Variants in ENPP6 observed in about 807,000 individuals in gnomAD.
ENPP6 encodes the protein ectonucleotide pyrophosphatase/phosphodiesterase 6.
ENPP6 carries 32 observed loss-of-function variants against 42.0 expected under a neutral mutation model. The observed-to-expected ratio is 0.76, with a 90% CI of 0.58 to 1.02. The LOEUF is 1.02. Ranked by LOEUF, ENPP6 falls within the 50% of genes least tolerant of loss-of-function variation. The pLI is 0.00. For missense variants in ENPP6, 552 were observed against 566.8 expected, an observed-to-expected ratio of 0.97 and a Z score of 0.27; for synonymous variants, 213 against 216.0, an observed-to-expected ratio of 0.99 and a Z score of 0.12.
At chr4:184,154,184 T>A (rs909542330) in intron 1 of ENPP6, among the ~76,000 whole-genome samples, 1 of 152,110 alleles carries the variant, frequency 6.6e-6, no homozygotes, top group African/African-American at 2.4e-5. Context: ...ATAAGAGGAG[T>A]TGTTGCTTCA....
At chr4:184,104,969 T>C (rs897093443) in intron 6 of ENPP6, among the ~76,000 whole-genome samples, 4 of 152,228 alleles carry the variant, frequency 2.6e-5, no homozygotes, top group Non-Finnish European at 4.4e-5. Context: ...TCTTGAGTGT[T>C]TCCTGGAAGA....
At chr4:184,157,283 G>C (rs968948927) in intron 1 of ENPP6, among the ~76,000 whole-genome samples, 3 of 152,098 alleles carry the variant, frequency 2.0e-5, no homozygotes, top group Non-Finnish European at 2.9e-5. Context: ...ACTTGGAGTG[G>C]AGCCCAATCT....
At chr4:184,142,816 G>A (rs995392143) in intron 2 of ENPP6, among the ~76,000 whole-genome samples, 18 of 152,204 alleles carry the variant, frequency 1.2e-4, no homozygotes, top group South Asian at 2.1e-4. Flanking sequence ...GCCAAAGGCC[G>A]CGCTTTCATC....
At chr4:184,214,229 T>A (rs965699212) in intron 1 of ENPP6, among the ~76,000 whole-genome samples, 1 of 150,340 alleles carries the variant, frequency 6.7e-6, no homozygotes, top group Non-Finnish European at 1.5e-5. Context: ...ACCCTAAAAC[T>A]TAAAGTATAA....
chr4:184,160,318 T>G lies in ENPP6; in HGVS notation c.242-6585A>C, dbSNP rs1389766939. Among the ~76,000 whole-genome samples, 4 of 152,166 alleles carry G rather than the reference T, an allele frequency of 2.6e-5. No homozygotes were observed. The East Asian group carries it at 7.7e-4, about 29-fold the overall frequency. ...ACCACATCCAACAAACATATATCAT[T>G]TTTTTACTTTTTAATTATAACCATT... On this transcript the variant is annotated intron_variant, in intron 1 of 7. Coordinates refer to ENST00000296741, the MANE Select transcript of ENPP6 (RefSeq NM_153343.4).
At chr4:184,108,646 A>G (rs528120850) in intron 6 of ENPP6, among the ~76,000 whole-genome samples, 57 of 152,356 alleles carry the variant, frequency 3.7e-4, no homozygotes, top group African/African-American at 1.3e-3. Flanking sequence ...GCTTTTACAT[A>G]TGGTGTCTTA....
At chr4:184,162,267 C>G (rs1737273589) in intron 1 of ENPP6, among the ~76,000 whole-genome samples, 1 of 152,024 alleles carries the variant, frequency 6.6e-6, no homozygotes, top group African/African-American at 2.4e-5. Context: ...TATTTGCAGG[C>G]TCATAGGGTG....
chr4:184,093,355 C>A (rs548023568), intron 7 of ENPP6, among the ~76,000 whole-genome samples: 44 of 152,146 alleles, frequency 2.9e-4, no homozygotes, highest in African/African-American at 1.0e-3. Context: ...AATGTAAAAC[C>A]TGGCCAGGCA....
At chr4:184,200,659 G>A (rs997835626) in intron 1 of ENPP6, among the ~76,000 whole-genome samples, 3 of 152,204 alleles carry the variant, frequency 2.0e-5, no homozygotes, top group Non-Finnish European at 2.9e-5. Flanking sequence ...GGAGAAGCCG[G>A]CTCCTCTGCC....
In ENPP6 at chr4:184,097,320, C is replaced by A. The variant is rs752468319; in HGVS notation, c.1042G>T (p.Gly348Cys). 5.6e-5 allele frequency: 91 copies of A among 1,614,106 alleles called. No homozygotes were observed. The highest frequency in any genetic ancestry group is 7.1e-5 in the Non-Finnish European group (84 of 1,180,034). Residue 348 changes from glycine (G) to cysteine (C), a missense_variant, in exon 7 of 8, where the codon GGT (glycine) becomes TGT (cysteine). Physicochemically the swap from Gly to Cys is radical, Grantham distance 159. Around this residue, in one of 2 missense-constraint regions of ENPP6, gnomAD observed 545 missense variants for 546.3 expected, o/e 1.00. Transcript: ENST00000296741. ...FWMNSTGRRE[G>C]WQRGWHGYDN... ...TAGCCGTGCCATCCACGCTGCCAAC[C>A]TTCCCGCCTGCCGGTGCTGTTCATC...
At chr4:184,202,386 G>A (rs1732917530) in intron 1 of ENPP6, among the ~76,000 whole-genome samples, 1 of 152,070 alleles carries the variant, frequency 6.6e-6, no homozygotes, top group Admixed American at 6.6e-5. Flanking sequence ...CTCACTTACA[G>A]CCCATCATAA....
intron 7 of ENPP6, among the ~76,000 whole-genome samples, chr4:184,092,177 C>T (rs1038100459): frequency 1.3e-5 from 2 of 151,984 alleles, no homozygotes; most frequent in Non-Finnish European, 2.9e-5. Flanking sequence ...AATGTTTTCT[C>T]ACTTTGCTGC....
rs557141317 is a variant in ENPP6 at position 184,097,059 on chromosome 4, C to T, written c.1117+186G>A. Reference sequence around the variant, plus strand: ...AAAGTATTTGGCTACATTTGCCAAACCCAAGAAGCATTTGAAAGGAAGCCA... The same window carrying T: ...AAAGTATTTGGCTACATTTGCCAAATCCAAGAAGCATTTGAAAGGAAGCCA... On this transcript the variant is annotated intron_variant, in intron 7 of 7. Coordinates refer to ENST00000296741, the MANE Select transcript of ENPP6 (RefSeq NM_153343.4). 2.6e-5 allele frequency among the ~76,000 whole-genome samples: 4 copies of T among 152,306 alleles called. No individual in the cohort carries two copies. The East Asian group carries it at 7.7e-4, about 29-fold the overall frequency.
At chr4:184,161,141 T>C (rs987746655) in intron 1 of ENPP6, among the ~76,000 whole-genome samples, 1 of 151,874 alleles carries the variant, frequency 6.6e-6, no homozygotes, top group African/African-American at 2.4e-5. Context: ...TCTCAATCTA[T>C]ACATCCAACA....
chr4:184,125,653 T>G (rs530729649), intron 2 of ENPP6, among the ~76,000 whole-genome samples: 1 of 152,188 alleles, frequency 6.6e-6, no homozygotes, highest in South Asian at 2.1e-4. Context: ...GGGTGTGTCA[T>G]GAGAGACCCT....
intron 1 of ENPP6, among the ~76,000 whole-genome samples, chr4:184,181,447 A>G (rs1181778997): frequency 6.6e-6 from 1 of 152,352 alleles, no homozygotes; most frequent in South Asian, 2.1e-4. Flanking sequence ...GAAGTAATTT[A>G]TAGATTCAAT....
chr4:184,110,910 C>T (rs1736186942), intron 6 of ENPP6, among the ~76,000 whole-genome samples: 1 of 152,126 alleles, frequency 6.6e-6, no homozygotes, highest in African/African-American at 2.4e-5. Flanking sequence ...ACTGGAAGGC[C>T]CTGCATCTTC....
At chr4:184,093,645 AT>A (rs1269217482) in intron 7 of ENPP6, among the ~76,000 whole-genome samples, 1 of 130,624 alleles carries the variant, frequency 7.7e-6, no homozygotes, top group African/African-American at 3.2e-5. Flanking sequence ...TCTCAAAATA[AT>A]AATAATAATA....
At chr4:184,170,148 G>T (rs1234266635) in intron 1 of ENPP6, among the ~76,000 whole-genome samples, 3 of 152,174 alleles carry the variant, frequency 2.0e-5, no homozygotes. Flanking sequence ...TCAGCATTCA[G>T]GCCGGGAAAG....
Sources: gnomAD v4.1 joint callset for allele counts (sites outside exome capture counted in the v4.1 genomes callset) on GRCh38, gnomAD v4.1.1 for gene constraint, gnomAD v4.1.1 regional missense constraint, MANE v1.5 for transcripts, NCBI Gene and HGNC (gene_info 2026-07-23, HGNC 2026-07-21) for gene names.